DLG1: variants seen among roughly 807,000 people sequenced by gnomAD.
The protein encoded by DLG1 is disks large homolog 1.
Under a neutral mutation model 123.4 loss-of-function variants are expected in DLG1, and 42 were observed. The ratio of observed to expected loss-of-function variants is 0.34; its 90% CI spans 0.27 to 0.44. The LOEUF (loss-of-function observed/expected upper bound fraction) is 0.44, where lower values mean the gene tolerates loss of function less well. Among genes scored for constraint, DLG1 ranks in the 20% least tolerant of loss-of-function variants. The probability of loss-of-function intolerance (pLI) is 1.00; values close to 1 mark genes in which losing one functional copy is unlikely to be tolerated. For missense variants in DLG1, 942 were observed against 1,082.6 expected, an observed-to-expected ratio of 0.87 and a Z score of 1.82; for synonymous variants, 317 against 356.2, an observed-to-expected ratio of 0.89 and a Z score of 1.24.
At position 197,072,122 on chromosome 3, in the gene DLG1, G is replaced by A. The variant is rs144785729; in HGVS notation, c.2006-2862C>T. Among the ~76,000 whole-genome samples the A allele has an allele frequency of 3.9e-5, 6 of 152,206 alleles. No homozygotes were observed. In the East Asian group the frequency reaches 1.2e-3, roughly 29 times the overall value. On this transcript the variant is annotated intron_variant, in intron 18 of 24. Transcript: ENST00000667157. The stretch of plus-strand genomic sequence containing the variant: ...TTTAAATATGATTTTTGATGGTTAT[G>A]TAATATTACATAGTATGGATAAATC...
chr3:197,296,418 C>G lies in DLG1; in HGVS notation c.79G>C (p.Asp27His), dbSNP rs780001107. ...TCTATGGAACTTCTGAGCTGTCTGT[C>G]TTCAGTTTGGCTTAGTTTTGAACGA... Reference protein sequence around the residue: ...EYRSKLSQTEDRQLRSSIERV... With the variant: ...EYRSKLSQTEHRQLRSSIERV... The change falls in exon 3 of 25, where the codon GAC (aspartate) becomes CAC (histidine). Residue 27 changes from aspartate to histidine, a missense_variant. Transcript: ENST00000667157. 3 of 1,613,550 alleles carry G rather than the reference C, an allele frequency of 1.9e-6. No homozygotes were observed. Among genetic ancestry groups the G allele is most frequent in the Non-Finnish European group, 2.5e-6 (3 of 1,179,554 alleles).
Position 197,065,329 on chromosome 3 carries a change from T to TA in DLG1, c.2319dup (p.Asn774Ter). ...ACACTTGTTCCATATAGATGATTGT[T>TA]ATACTGGCCAGCTTCAATGAATTTA... On this transcript the variant is annotated frameshift_variant, in exon 22 of 25. Transcript: ENST00000667157. LOFTEE classifies it high-confidence loss of function. 1 of 1,613,016 alleles carries TA rather than the reference T, an allele frequency of 6.2e-7. No homozygotes were observed. Among genetic ancestry groups the TA allele is most frequent in the Non-Finnish European group, 8.5e-7 (1 of 1,179,710 alleles).
At chr3:197,147,423 A>T (rs1791380434) in intron 6 of DLG1, among the ~76,000 whole-genome samples, 1 of 132,186 alleles carries the variant, frequency 7.6e-6, no homozygotes, top group African/African-American at 2.9e-5. Context: ...GATAAAAAAT[A>T]TATGGTGTGC....
intron 4 of DLG1, among the ~76,000 whole-genome samples, chr3:197,224,567 C>T (rs769500431): frequency 2.0e-5 from 3 of 152,132 alleles, no homozygotes; most frequent in African/African-American, 2.4e-5. Context: ...AGTTTAACAA[C>T]CAATACGAAT....
At chr3:197,089,024 G>C (rs1160939402) in intron 15 of DLG1, among the ~76,000 whole-genome samples, 1 of 152,172 alleles carries the variant, frequency 6.6e-6, no homozygotes, top group African/African-American at 2.4e-5. Flanking sequence ...TACCATGGTT[G>C]TAAGACTAAT....
chr3:197,052,833 A>G (rs911647589), intron 23 of DLG1, among the ~76,000 whole-genome samples: 2 of 152,202 alleles, frequency 1.3e-5, no homozygotes, highest in Non-Finnish European at 2.9e-5. Flanking sequence ...TGGAGAGAGA[A>G]TCTATAGGTT....
intron 4 of DLG1, among the ~76,000 whole-genome samples, chr3:197,215,418 A>G (rs1733601825): frequency 6.6e-6 from 1 of 152,164 alleles, no homozygotes; most frequent in Non-Finnish European, 1.5e-5. Context: ...ATGTGAAAAG[A>G]TTTAATATAA....
At chr3:197,269,776 T>G (rs1763166558) in intron 4 of DLG1, among the ~76,000 whole-genome samples, 1 of 152,232 alleles carries the variant, frequency 6.6e-6, no homozygotes, top group Non-Finnish European at 1.5e-5. Context: ...CATCCCAAAT[T>G]ATTACAATGT....
intron 5 of DLG1, among the ~76,000 whole-genome samples, chr3:197,170,515 A>G (rs548296202): frequency 3.9e-5 from 6 of 152,280 alleles, no homozygotes; most frequent in African/African-American, 1.4e-4. Context: ...AGTGACGCTA[A>G]GCTCTTTTTC....
At chr3:197,273,867 C>CAAAAAAAAAAAAAAAAA (rs1373412270) in intron 4 of DLG1, among the ~76,000 whole-genome samples, 3 of 43,558 alleles carry the variant, frequency 6.9e-5, no homozygotes, top group African/African-American at 8.9e-5. Context: ...AAAAAAAAAC[C>CAAAAAAAAAAAAAAAAA]AAAACAAACC....
chr3:197,151,669 C>A (rs1251144797), intron 5 of DLG1, among the ~76,000 whole-genome samples: 1 of 152,118 alleles, frequency 6.6e-6, no homozygotes, highest in Non-Finnish European at 1.5e-5. Context: ...CAAAAAATCA[C>A]TTTGAGCCAA....
At chr3:197,136,755 G>A in intron 9 of DLG1, 77 bp from the exon 10 acceptor site, 3 of 1,251,896 alleles carry the variant, frequency 2.4e-6, no homozygotes, top group Non-Finnish European at 2.2e-6. Flanking sequence ...AAAACTACAA[G>A]GTAATTATTC....
rs966892567 is a variant in DLG1 at position 197,219,422 on chromosome 3, G to C, written c.319-24833C>G. 4.6e-5 allele frequency among the ~76,000 whole-genome samples: 7 copies of C among 152,160 alleles called. No individual in the cohort carries two copies. In the East Asian group the frequency reaches 1.3e-3, roughly 29 times the overall value. On this transcript the variant is annotated intron_variant, in intron 4 of 24. Coordinates refer to ENST00000667157, the MANE Select transcript of DLG1 (RefSeq NM_001366207.1). ...CAAACCTAATTTACGAATGCTCAGTGAACTTTATAAATAAAATGTTTTACA... is the reference window on the plus strand; with the variant it reads ...CAAACCTAATTTACGAATGCTCAGTCAACTTTATAAATAAAATGTTTTACA...
intron 4 of DLG1, chr3:197,260,504 ATCT>A (rs971642527): frequency 1.1e-5 from 2 of 186,598 alleles, no homozygotes; most frequent in African/African-American, 4.8e-5. Context: ...GTGCCCTACA[ATCT>A]TCTTTATGTA....
At chr3:197,291,283 A>G (rs1774735026) in intron 3 of DLG1, among the ~76,000 whole-genome samples, 1 of 145,360 alleles carries the variant, frequency 6.9e-6, no homozygotes, top group Non-Finnish European at 1.5e-5. Context: ...TCCTTACTCA[A>G]ATCTAGCCTA....
rs554395455 is a variant in DLG1, at chr3:197,083,545, C to A, written c.1838+2035G>T. ...CACCTTCCCCACAAAAGCAGAGACA[C>A]TCAACAGCACTTCACAGGCCTTAGA... On this transcript the variant is annotated intron_variant, in intron 16 of 24. Transcript: ENST00000667157. 2.2e-3 allele frequency among the ~76,000 whole-genome samples: 339 copies of A among 152,270 alleles called. 2 individuals are homozygous for A. Among genetic ancestry groups the A allele is most frequent in the Non-Finnish European group, 3.7e-3 (255 of 68,010 alleles).
chr3:197,129,758 G>C (rs1781558717), intron 11 of DLG1, among the ~76,000 whole-genome samples: 1 of 152,086 alleles, frequency 6.6e-6, no homozygotes, highest in Non-Finnish European at 1.5e-5. Context: ...CAATATTGTT[G>C]TATCTTGGGG....
intron 3 of DLG1, among the ~76,000 whole-genome samples, chr3:197,288,902 C>G (rs148868053): frequency 6.6e-6 from 1 of 151,958 alleles, no homozygotes; most frequent in Non-Finnish European, 1.5e-5. Context: ...TATATCTCCC[C>G]TGCAAAAAAG....
intron 4 of DLG1, among the ~76,000 whole-genome samples, chr3:197,258,652 T>C (rs1487348002): frequency 1.3e-5 from 2 of 152,092 alleles, no homozygotes; most frequent in African/African-American, 4.8e-5. Context: ...GTCAGACTTT[T>C]AAAACACATA....
Sources: gnomAD v4.1 joint callset for allele counts (sites outside exome capture counted in the v4.1 genomes callset) on GRCh38, gnomAD v4.1.1 for gene constraint, MANE v1.5 for transcripts, NCBI Gene and HGNC (gene_info 2026-07-23, HGNC 2026-07-21) for gene names.